The following SERINC2 variants were observed in gnomAD, a reference collection of about 807,000 sequenced individuals.
The protein encoded by SERINC2 is serine incorporator 2, also known as tumor differentially expressed protein 2.
A neutral mutation model predicts 54.2 loss-of-function variants in SERINC2; 56 were observed. The ratio of observed to expected loss-of-function variants is 1.03; its 90% CI spans 0.83 to 1.29. SERINC2 has a LOEUF of 1.29. SERINC2 is among the 50% of genes most tolerant of loss of function. The pLI, the probability that SERINC2 is intolerant of heterozygous loss-of-function variation, is 0.00. For synonymous variants in SERINC2, 272 were observed against 253.1 expected (o/e 1.07, Z -0.71); for missense variants, 614 against 607.4 (o/e 1.01, Z -0.12).
At chr1:31,415,348 C>T (rs1408127601) in intron 1 of SERINC2, among the ~76,000 whole-genome samples, 65 of 152,208 alleles carry the variant, frequency 4.3e-4, no homozygotes, top group Admixed American at 4.3e-3. Flanking sequence ...TGGCCTCCGA[C>T]ATTTACTGAG....
chr1:31,413,376 C>G lies in SERINC2; in HGVS notation c.39+72C>G. Reference sequence around the variant, plus strand: ...CTGCGGGCCCTCACTTTCTTCTGTTCTGCTCCGAGTAGTTTCTTCTTTTTC... The same window carrying G: ...CTGCGGGCCCTCACTTTCTTCTGTTGTGCTCCGAGTAGTTTCTTCTTTTTC... On this transcript the variant is annotated intron_variant, in intron 1 of 9. Coordinates refer to ENST00000373709, the MANE Select transcript of SERINC2 (RefSeq NM_178865.5). This position sits in a 1 kb window ranked among gnomAD's most constrained non-coding sequence, Gnocchi z 5.0. 1.2e-6 allele frequency: 1 copy of G among 842,816 alleles called. No individual in the cohort carries two copies. Among genetic ancestry groups the G allele is most frequent in the Non-Finnish European group, 1.6e-6 (1 of 631,906 alleles). 52.2% of individuals were successfully genotyped at this position (842,816 alleles called of 1,614,324 possible). A position where few individuals can be genotyped will look rare whatever the true frequency, so the allele number is the denominator to read the frequency against.
chr1:31,427,625 G>A (rs2148522053), intron 6 of SERINC2, among the ~76,000 whole-genome samples: 1 of 152,216 alleles, frequency 6.6e-6, no homozygotes, highest in Non-Finnish European at 1.5e-5. Flanking sequence ...AGGAAGGGGA[G>A]GAAGAATAAT....
chr1:31,432,145 G>A (rs1448879369), intron 8 of SERINC2, among the ~76,000 whole-genome samples: 7 of 139,816 alleles, frequency 5.0e-5, no homozygotes, highest in African/African-American at 2.0e-4. Context: ...GGACAGGGTG[G>A]ACAGGGTGGA....
intron 2 of SERINC2, among the ~76,000 whole-genome samples, chr1:31,424,443 A>G (rs1640978244): frequency 6.6e-6 from 1 of 152,186 alleles, no homozygotes; most frequent in South Asian, 2.1e-4. Context: ...TGGGAAATAA[A>G]CAATAACAAG....
chr1:31,425,239 T>G, intron 3 of SERINC2, 91 bp from the exon 4 acceptor site: 1 of 943,270 alleles, frequency 1.1e-6, no homozygotes, highest in Non-Finnish European at 1.8e-6. Flanking sequence ...CTGCTGTTTG[T>G]GGGTGGGGGC....
intron 7 of SERINC2, 58 bp from the exon 8 acceptor site, chr1:31,429,339 A>G: frequency 6.4e-7 from 1 of 1,552,034 alleles, no homozygotes; most frequent in Non-Finnish European, 8.7e-7. Flanking sequence ...CCTCAGGGCC[A>G]CTTGGCTACC....
chr1:31,421,394 C>T (rs1352846195), intron 1 of SERINC2, among the ~76,000 whole-genome samples: 1 of 152,156 alleles, frequency 6.6e-6, no homozygotes, highest in Admixed American at 6.5e-5. Context: ...CTCTCACCCA[C>T]CAAGGACAGC....
chr1:31,421,065 C>T (rs566329363), intron 1 of SERINC2, among the ~76,000 whole-genome samples: 2 of 152,172 alleles, frequency 1.3e-5, no homozygotes, highest in African/African-American at 4.8e-5. Context: ...CACAGCAGGA[C>T]GTGAACAGCA....
At chr1:31,422,560 G>A (rs1640929264) in intron 1 of SERINC2, among the ~76,000 whole-genome samples, 1 of 152,102 alleles carries the variant, frequency 6.6e-6, no homozygotes, top group South Asian at 2.1e-4. Context: ...CTGGCAGTGG[G>A]TACGTGTCCT....
At chr1:31,418,981 A>G (rs1553132521) in intron 1 of SERINC2, among the ~76,000 whole-genome samples, 1 of 151,988 alleles carries the variant, frequency 6.6e-6, no homozygotes, top group African/African-American at 2.4e-5. Context: ...ATGCCAAGGA[A>G]CCTTGCAGCT....
intron 8 of SERINC2, among the ~76,000 whole-genome samples, chr1:31,432,236 C>T (rs1304073413): frequency 5.1e-5 from 6 of 118,018 alleles, no homozygotes; most frequent in African/African-American, 1.7e-4. Flanking sequence ...GATAGGGACC[C>T]ACTGACTCAC....
In SERINC2 at chr1:31,426,725, A is replaced by G. The variant is rs781904424; in HGVS notation, c.682A>G (p.Thr228Ala). ...CGTGGCGCTGATGTTCATGTACTAC[A>G]CTGAGCCCAGCGGCTGCCACGAGGG... Reference protein sequence around the residue: ...AAVALMFMYYTEPSGCHEGKV... With the variant: ...AAVALMFMYYAEPSGCHEGKV... The change falls in exon 6 of 10, where the codon ACT (threonine) becomes GCT (alanine). Residue 228 changes from threonine to alanine, a missense_variant. Coordinates refer to ENST00000373709, the MANE Select transcript of SERINC2 (RefSeq NM_178865.5). 2.5e-6 allele frequency: 4 copies of G among 1,613,946 alleles called. No homozygotes were observed. The highest frequency in any genetic ancestry group is 3.4e-6 in the Non-Finnish European group (4 of 1,179,968).
Position 31,413,739 on chromosome 1 carries a change from G to A in SERINC2, c.39+435G>A. The stretch of plus-strand genomic sequence containing the variant: ...TCGCCCGGGCCCCGTCCCTCCTGGC[G>A]AGTGCCCTGCCCTACCCCTCTGGCC... On this transcript the variant is annotated intron_variant, in intron 1 of 9. Transcript: ENST00000373709. This position sits in a 1 kb window ranked among gnomAD's most constrained non-coding sequence, Gnocchi z 5.0. The A allele has an allele frequency of 7.6e-7, 1 of 1,309,196 alleles. No individual in the cohort carries two copies. The highest frequency in any genetic ancestry group is 2.2e-5 in the South Asian group (1 of 46,164). The allele number at this position is 1,309,196 out of a possible 1,614,324, so 81.1% of individuals were successfully genotyped here.
chr1:31,418,234 C>T (rs1640826736), intron 1 of SERINC2, among the ~76,000 whole-genome samples: 2 of 152,190 alleles, frequency 1.3e-5, no homozygotes, highest in Admixed American at 6.5e-5. Context: ...CCATTCATCT[C>T]GTCCACCAAT....
At chr1:31,425,257 C>T in intron 3 of SERINC2, 73 bp from the exon 4 acceptor site, 2 of 1,144,814 alleles carry the variant, frequency 1.7e-6, no homozygotes, top group Non-Finnish European at 2.7e-6. Flanking sequence ...GGCTCTGGGG[C>T]CAGGCCCAGT....
At chr1:31,431,803 G>C (rs1557499843) in intron 8 of SERINC2, among the ~76,000 whole-genome samples, 2 of 142,138 alleles carry the variant, frequency 1.4e-5, no homozygotes, top group African/African-American at 5.3e-5. Flanking sequence ...GGATAGGGTG[G>C]ACAGGGTGGA....
intron 8 of SERINC2, among the ~76,000 whole-genome samples, chr1:31,430,169 C>G (rs1641158017): frequency 6.6e-6 from 1 of 152,036 alleles, no homozygotes; most frequent in South Asian, 2.1e-4. Flanking sequence ...AAAATAGTAC[C>G]TTCCTCATTG....
At chr1:31,420,113 C>A (rs2148514773) in intron 1 of SERINC2, among the ~76,000 whole-genome samples, 1 of 152,282 alleles carries the variant, frequency 6.6e-6, no homozygotes, top group Non-Finnish European at 1.5e-5. Context: ...AATGGTCTGG[C>A]ATTTCTGTAG....
At chr1:31,429,213 GC>G in intron 7 of SERINC2, 145 bp downstream of exon 7, 3 of 986,680 alleles carry the variant, frequency 3.0e-6, no homozygotes, top group East Asian at 2.5e-5. Context: ...AGATGGGAGG[GC>G]CCCGTCTGTT....
Sources: gnomAD v4.1 joint callset for allele counts (sites outside exome capture counted in the v4.1 genomes callset) on GRCh38, gnomAD v4.1.1 for gene constraint, Gnocchi (gnomAD v3.1) non-coding constraint, MANE v1.5 for transcripts, NCBI Gene and HGNC (gene_info 2026-07-23, HGNC 2026-07-21) for gene names.